Variants in HACD3 observed in about 807,000 individuals in gnomAD.
HACD3 encodes the protein very-long-chain (3R)-3-hydroxyacyl-CoA dehydratase 3.
HACD3 carries 30 observed loss-of-function variants against 55.2 expected under a neutral mutation model. The observed-to-expected ratio is 0.54, with a 90% CI of 0.41 to 0.74. The LOEUF (loss-of-function observed/expected upper bound fraction) is 0.74. HACD3 is among the 30% of genes least tolerant of loss of function. HACD3 has a pLI of 0.00. For missense variants in HACD3, 363 were observed against 440.1 expected, an observed-to-expected ratio of 0.82 and a Z score of 1.57; for synonymous variants, 141 against 151.7, an observed-to-expected ratio of 0.93 and a Z score of 0.52.
At chr15:65,561,476 G>GA (rs569308292) in intron 5 of HACD3, among the ~76,000 whole-genome samples, 43 of 147,588 alleles carry the variant, frequency 2.9e-4, no homozygotes, top group Non-Finnish European at 5.8e-4. Context: ...AAAAAAAAAA[G>GA]AAAAAAAAAA....
At chr15:65,575,033 CA>C (rs533941702) in intron 10 of HACD3, among the ~76,000 whole-genome samples, 21 of 152,240 alleles carry the variant, frequency 1.4e-4, no homozygotes, top group Non-Finnish European at 2.1e-4. Context: ...CTCTAATTTG[CA>C]AGATTTTATG....
chr15:65,543,073 T>TAAA (rs550281162), intron 1 of HACD3, among the ~76,000 whole-genome samples: 1 of 113,954 alleles, frequency 8.8e-6, no homozygotes, highest in Non-Finnish European at 1.8e-5. Flanking sequence ...TCTGTCTCTC[T>TAAA]AAAAAAAAAA....
rs140269334 is a variant in HACD3 at position 65,577,439 on chromosome 15, A to C, written c.*1060A>C. On this transcript the variant is annotated 3_prime_UTR_variant, in exon 11 of 11. Coordinates refer to ENST00000261875, the MANE Select transcript of HACD3 (RefSeq NM_016395.4). ...ACCCTGTCTCAAACCAAACCAAACC[A>C]CACACACACAAACACACATACACAC... 62 of 151,438 alleles carry C rather than the reference A, an allele frequency of 4.1e-4. No individual in the cohort carries two copies. Among genetic ancestry groups the C allele is most frequent in the African/African-American group, 1.4e-3 (56 of 40,442 alleles). The allele number at this position is 151,438 out of a possible 1,614,324, so 9.4% of individuals were successfully genotyped here. A position where few individuals can be genotyped will look rare whatever the true frequency, so the allele number is the denominator to read the frequency against.
At chr15:65,555,013 T>C in intron 3 of HACD3, 53 bp downstream of exon 3, 1 of 1,365,280 alleles carries the variant, frequency 7.3e-7, no homozygotes, top group Admixed American at 1.7e-5. Context: ...TGAATACCAG[T>C]AGTTTAGTGA....
intron 7 of HACD3, among the ~76,000 whole-genome samples, chr15:65,569,689 C>T (rs1206922582): frequency 2.0e-5 from 3 of 152,008 alleles, no homozygotes; most frequent in Non-Finnish European, 2.9e-5. Context: ...GCCCGGGTGA[C>T]GGAGCGAGAC....
rs533903897 is a variant in HACD3 at position 65,572,154 on chromosome 15, T to C, written c.881-81T>C. 79 of 1,555,512 alleles carry C rather than the reference T, an allele frequency of 5.1e-5. No individual in the cohort carries two copies. The South Asian group carries it at 8.0e-4, about 16-fold the overall frequency. Reference sequence around the variant, plus strand: ...TCCAGCACACCCAGAACTGAAACTTTAGAGTACTAGGACTGGAAGTTCCTG... The same window carrying C: ...TCCAGCACACCCAGAACTGAAACTTCAGAGTACTAGGACTGGAAGTTCCTG... On this transcript the variant is annotated intron_variant, in intron 9 of 10. Coordinates refer to ENST00000261875, the MANE Select transcript of HACD3 (RefSeq NM_016395.4).
At chr15:65,552,615 C>T (rs904355184) in intron 2 of HACD3, among the ~76,000 whole-genome samples, 1 of 151,822 alleles carries the variant, frequency 6.6e-6, no homozygotes, top group Admixed American at 6.6e-5. Context: ...GGATTATAGG[C>T]GTGAGCCACC....
chr15:65,532,255 G>GA (rs2071908554), intron 1 of HACD3, among the ~76,000 whole-genome samples: 1 of 151,948 alleles, frequency 6.6e-6, no homozygotes, highest in Admixed American at 6.6e-5. Flanking sequence ...AATAGAATAG[G>GA]AAAAAACAAA....
At chr15:65,570,503 C>G (rs1272496641) in intron 8 of HACD3, among the ~76,000 whole-genome samples, 1 of 152,160 alleles carries the variant, frequency 6.6e-6, no homozygotes, top group African/African-American at 2.4e-5. Context: ...GACCCATCCA[C>G]ATGGAAAAAT....
intron 2 of HACD3, among the ~76,000 whole-genome samples, chr15:65,553,594 T>C (rs1486126496): frequency 1.3e-5 from 2 of 152,228 alleles, no homozygotes; most frequent in East Asian, 1.9e-4. Context: ...TTGTATCTGC[T>C]TTTCAAGATG....
chr15:65,547,143 G>A (rs2072085681), intron 1 of HACD3, among the ~76,000 whole-genome samples: 1 of 151,510 alleles, frequency 6.6e-6, no homozygotes, highest in South Asian at 2.1e-4. Flanking sequence ...TTGAGACGGA[G>A]TCTCACTCTG....
At chr15:65,551,624 A>AT in intron 1 of HACD3, 52 bp from the exon 2 acceptor site, 1 of 1,607,070 alleles carries the variant, frequency 6.2e-7, no homozygotes, top group Non-Finnish European at 8.5e-7. Context: ...GTTTAATCTC[A>AT]TTTTTTCTCT....
chr15:65,571,803 A>C, intron 9 of HACD3, 149 bp downstream of exon 9: 2 of 665,906 alleles, frequency 3.0e-6, no homozygotes, highest in Non-Finnish European at 5.1e-6. Context: ...CTTCCATAAT[A>C]CTCCTGGTAC....
chr15:65,557,783 T>C (rs977486791), intron 4 of HACD3, among the ~76,000 whole-genome samples: 1 of 152,244 alleles, frequency 6.6e-6, no homozygotes, highest in Non-Finnish European at 1.5e-5. Context: ...TACATGGGTA[T>C]TTATTTTATA....
In HACD3 at chr15:65,535,730, C is replaced by G. The variant is rs1279143299; in HGVS notation, c.87+5012C>G. 5.9e-6 allele frequency: 3 copies of G among 506,598 alleles called. No homozygotes were observed. The East Asian group carries it at 1.0e-4, about 17-fold the overall frequency. 31.4% of individuals were successfully genotyped at this position (506,598 alleles called of 1,614,324 possible). A position where few individuals can be genotyped will look rare whatever the true frequency, so the allele number is the denominator to read the frequency against. ...TTTTTTTTTGAGGCAGGGTCTCACT[C>G]TGTTGCCCAGGTTGGAGTGCAGCAG... On this transcript the variant is annotated intron_variant, in intron 1 of 10. Coordinates refer to ENST00000261875, the MANE Select transcript of HACD3 (RefSeq NM_016395.4).
Position 65,554,971 on chromosome 15 carries a change from T to G in HACD3, c.204+11T>G, listed in dbSNP as rs546789329. On this transcript the variant is annotated intron_variant, in intron 3 of 10. Transcript: ENST00000261875. ...CTTGTGAAACCAGAGGTATGTTCTT[T>G]CCTTTCTCACTTCCCTTCCCATTTT... 7 of 1,584,096 alleles carry G rather than the reference T, an allele frequency of 4.4e-6. No individual in the cohort carries two copies. In the South Asian group the frequency reaches 7.8e-5, roughly 18 times the overall value.
chr15:65,555,472 G>T (rs1466528130), intron 3 of HACD3, among the ~76,000 whole-genome samples: 1 of 152,188 alleles, frequency 6.6e-6, no homozygotes, highest in Non-Finnish European at 1.5e-5. Flanking sequence ...TTCCCTTAGA[G>T]CCTGAGGAAG....
At chr15:65,539,014 A>G (rs937810436) in intron 1 of HACD3, among the ~76,000 whole-genome samples, 1 of 152,226 alleles carries the variant, frequency 6.6e-6, no homozygotes, top group Non-Finnish European at 1.5e-5. Context: ...ATTTATATAT[A>G]CTGGGAAACC....
chr15:65,530,674 C>G lies in HACD3; in HGVS notation c.43C>G (p.Arg15Gly). 1.3e-6 allele frequency: 2 copies of G among 1,581,304 alleles called. No individual in the cohort carries two copies. The highest frequency in any genetic ancestry group is 1.7e-6 in the Non-Finnish European group (2 of 1,164,854). ...GACGCCGCATGTCTACTGGGCTCAG[C>G]GACACCGCGAGCTATATCTGCGCGT... ...VLTPHVYWAQRHRELYLRVEL... is the reference protein window; with the variant it reads ...VLTPHVYWAQGHRELYLRVEL... The change falls in exon 1 of 11, where the codon CGA becomes GGA. Residue 15 changes from arginine (R) to glycine (G), a missense_variant. Arg to Gly is a moderately radical substitution (Grantham distance 125). Transcript: ENST00000261875.
Sources: gnomAD v4.1 joint callset for allele counts (sites outside exome capture counted in the v4.1 genomes callset) on GRCh38, gnomAD v4.1.1 for gene constraint, MANE v1.5 for transcripts, NCBI Gene and HGNC (gene_info 2026-07-23, HGNC 2026-07-21) for gene names.